Variants in DRC8 observed in about 807,000 individuals in gnomAD.
DRC8 encodes the protein dynein regulatory complex protein 8.
chr1:245,095,680 A>C, the DRC8 span, among the ~76,000 whole-genome samples: 3 of 152,144 alleles, frequency 2.0e-5, no homozygotes, highest in Non-Finnish European at 2.9e-5. Flanking sequence ...GAGCCACCAC[A>C]CCTGGCCTAT....
the DRC8 span, among the ~76,000 whole-genome samples, chr1:244,980,098 A>G: frequency 7.2e-6 from 1 of 139,190 alleles, no homozygotes; most frequent in Non-Finnish European, 1.5e-5. Flanking sequence ...AGGTGCCTGT[A>G]GTCCCAGGTA....
chr1:245,092,227 C>G, the DRC8 span, among the ~76,000 whole-genome samples: 2 of 152,194 alleles, frequency 1.3e-5, no homozygotes, highest in Non-Finnish European at 2.9e-5. Flanking sequence ...TTGCAGTCAC[C>G]CAGTGTCTAA....
At chr1:245,068,207 C>T in the DRC8 span, among the ~76,000 whole-genome samples, 442 of 152,122 alleles carry the variant, frequency 2.9e-3, 2 homozygotes, top group Middle Eastern at 0.01. Context: ...ATAAATAAAA[C>T]GTGTTTTTAT....
chr1:245,076,976 T>C, the DRC8 span, among the ~76,000 whole-genome samples: 42 of 152,162 alleles, frequency 2.8e-4, no homozygotes, highest in East Asian at 2.3e-3. Flanking sequence ...CCGCCCACCT[T>C]AGCCTCCCAA....
chr1:245,115,003 C>T, the DRC8 span, among the ~76,000 whole-genome samples: 7 of 152,044 alleles, frequency 4.6e-5, no homozygotes, highest in South Asian at 4.2e-4. Flanking sequence ...GGATTACAGG[C>T]GTGAGCCACC....
chr1:245,064,885 A>G, the DRC8 span, among the ~76,000 whole-genome samples: 1 of 152,008 alleles, frequency 6.6e-6, no homozygotes, highest in Non-Finnish European at 1.5e-5. Flanking sequence ...GAAATTTCAC[A>G]AAGATTTACG....
chr1:244,970,108 G>A, the DRC8 span: 1 of 673,532 alleles, frequency 1.5e-6, no homozygotes, highest in Middle Eastern at 2.7e-4. Context: ...GTTGGGGACC[G>A]TGTGATGAAG....
the DRC8 span, among the ~76,000 whole-genome samples, chr1:245,043,147 G>GT: frequency 1.3e-5 from 2 of 152,170 alleles, no homozygotes; most frequent in African/African-American, 4.8e-5. Context: ...GAAATCGAAT[G>GT]TTGACTGAGT....
At chr1:245,056,935 CA>C in the DRC8 span, among the ~76,000 whole-genome samples, 2 of 111,442 alleles carry the variant, frequency 1.8e-5, no homozygotes, top group African/African-American at 6.7e-5. Context: ...GACTCCATCT[CA>C]AAAAAAAAAA....
chr1:245,031,864 C>T, the DRC8 span, among the ~76,000 whole-genome samples: 1 of 152,142 alleles, frequency 6.6e-6, no homozygotes, highest in Non-Finnish European at 1.5e-5. Context: ...TAAAGAATGT[C>T]TCTCTTTAAG....
At chr1:245,040,500 G>A in the DRC8 span, among the ~76,000 whole-genome samples, 1 of 152,218 alleles carries the variant, frequency 6.6e-6, no homozygotes, top group Non-Finnish European at 1.5e-5. Flanking sequence ...GTTACTAGCA[G>A]GGCGAGTCAG....
At chr1:245,065,073 C>CTTTTTTT in the DRC8 span, among the ~76,000 whole-genome samples, 106 of 81,586 alleles carry the variant, frequency 1.3e-3, no homozygotes, top group East Asian at 2.7e-3. Flanking sequence ...TAACATTCTT[C>CTTTTTTT]TTTTTTTTTT....
the DRC8 span, among the ~76,000 whole-genome samples, chr1:245,045,761 AC>A: frequency 6.6e-6 from 1 of 151,490 alleles, no homozygotes; most frequent in Non-Finnish European, 1.5e-5. Flanking sequence ...CTGGTTGTGG[AC>A]AGCAGCCATC....
At chr1:244,981,131 C>T in the DRC8 span, among the ~76,000 whole-genome samples, 1 of 152,022 alleles carries the variant, frequency 6.6e-6, no homozygotes, top group Non-Finnish European at 1.5e-5. Context: ...TTGCAGTGAG[C>T]CGAGATCACG....
the DRC8 span, among the ~76,000 whole-genome samples, chr1:245,083,191 G>A: frequency 4.6e-5 from 7 of 152,148 alleles, no homozygotes; most frequent in Admixed American, 2.0e-4. Context: ...ATTATCATAG[G>A]AATGCGAACC....
At chr1:245,108,714 ACCACAGG>A in the DRC8 span, among the ~76,000 whole-genome samples, 1 of 151,508 alleles carries the variant, frequency 6.6e-6, no homozygotes, top group Non-Finnish European at 1.5e-5. Context: ...TCCAACCTAG[ACCACAGG>A]CATCAGTCTC....
At chr1:245,017,276 A>C in the DRC8 span, 2 of 1,610,298 alleles carry the variant, frequency 1.2e-6, no homozygotes, top group Non-Finnish European at 1.7e-6. Context: ...AAAAAATCAA[A>C]GAGGCATTTG....
the DRC8 span, among the ~76,000 whole-genome samples, chr1:245,095,877 T>A: frequency 6.6e-6 from 1 of 152,024 alleles, no homozygotes; most frequent in Non-Finnish European, 1.5e-5. Flanking sequence ...TGCTAATGTG[T>A]TTTCAATCTG....
At chr1:245,101,894 C>A in the DRC8 span, among the ~76,000 whole-genome samples, 3,801 of 152,138 alleles carry the variant, frequency 0.025, 172 homozygotes, top group African/African-American at 0.087. Context: ...TAAAAGCTTC[C>A]TGGATATATG....
Sources: allele counts gnomAD v4.1 joint callset (sites outside exome capture counted in the v4.1 genomes callset), GRCh38; gene constraint gnomAD v4.1.1; transcripts MANE v1.5; gene names NCBI Gene and HGNC (gene_info 2026-07-23, HGNC 2026-07-21).